Variants in PTBP3 observed in about 807,000 individuals in gnomAD.
PTBP3 encodes polypyrimidine tract binding protein 3, also known as polypyrimidine tract-binding protein 3.
In PTBP3, 20 loss-of-function variants were observed where a neutral mutation model predicts 58.7. The ratio of observed to expected loss-of-function variants is 0.34; its 90% CI spans 0.24 to 0.50. The LOEUF is 0.50. Ranked by LOEUF, PTBP3 falls within the 20% of genes least tolerant of loss-of-function variation. The pLI is 0.98. For missense variants in PTBP3, 509 were observed against 637.2 expected (o/e 0.80, Z 2.17); for synonymous variants, 185 against 219.8 (o/e 0.84, Z 1.40).
chr9:112,375,039 T>C, the PTBP3 span, among the ~76,000 whole-genome samples: 2 of 152,168 alleles, frequency 1.3e-5, no homozygotes, highest in African/African-American at 4.8e-5. Flanking sequence ...CCTCCATCCC[T>C]GCCACCATGG....
chr9:112,259,560 C>A (rs1836507495), intron 5 of PTBP3, among the ~76,000 whole-genome samples: 1 of 152,162 alleles, frequency 6.6e-6, no homozygotes, highest in African/African-American at 2.4e-5. Flanking sequence ...TATATCTTCA[C>A]ATCCTATAAG....
At chr9:112,229,539 T>C (rs143247961) in intron 10 of PTBP3, among the ~76,000 whole-genome samples, 5,333 of 145,656 alleles carry the variant, frequency 0.037, 150 homozygotes, top group South Asian at 0.051. Context: ...CACTCCAGCC[T>C]GGGCAACAGA....
At chr9:112,348,584 G>A in the PTBP3 span, among the ~76,000 whole-genome samples, 1 of 152,244 alleles carries the variant, frequency 6.6e-6, no homozygotes, top group African/African-American at 2.4e-5. Context: ...GGAAGAATCG[G>A]GAGAGCGGAG....
chr9:112,241,620 T>C (rs889206376), intron 7 of PTBP3, among the ~76,000 whole-genome samples: 3 of 152,236 alleles, frequency 2.0e-5, no homozygotes, highest in East Asian at 1.9e-4. Flanking sequence ...AGGTGTTTAG[T>C]AGGCTATAAC....
At chr9:112,330,297 G>A (rs2418204) in intron 1 of PTBP3, 509,441 of 620,780 alleles carry the variant, frequency 0.82, 210,001 homozygotes, top group African/African-American at 0.92. Flanking sequence ...AAAATCCAAA[G>A]TTACCTCAGG....
Position 112,252,746 on chromosome 9 carries a change from T to C in PTBP3, c.559A>G (p.Thr187Ala), listed in dbSNP as rs762246918. Residue 187 changes from threonine to alanine, a missense_variant, in exon 6 of 14, where the codon ACA becomes GCA. By Grantham distance (58) the Thr-to-Ala change is moderately conservative. Coordinates refer to ENST00000374257, the MANE Select transcript of PTBP3 (RefSeq NM_001163788.4). The part of the protein sequence containing the change: ...FGTVLKIITF[T>A]KNNQFQALLQ... ...AAGGCTTGAAACTGATTATTCTTTG[T>C]AAAGGTGATAATCTTCAAGACTGTG... 1 of 1,612,484 alleles carries C rather than the reference T, an allele frequency of 6.2e-7. No individual in the cohort carries two copies. Among genetic ancestry groups the C allele is most frequent in the South Asian group, 1.1e-5 (1 of 90,970 alleles).
chr9:112,236,747 A>G (rs1370558540), intron 7 of PTBP3, among the ~76,000 whole-genome samples: 2 of 152,132 alleles, frequency 1.3e-5, no homozygotes, highest in African/African-American at 2.4e-5. Flanking sequence ...GAAATGACAC[A>G]TGTTCACATG....
At chr9:112,335,274 TGTTTTTTTG>T (rs982117756), upstream of PTBP3, among the ~76,000 whole-genome samples, 6 of 76,048 alleles carry the variant, frequency 7.9e-5, no homozygotes, top group East Asian at 1.0e-3. Context: ...TTTTGTTGTT[TGTTTTTTTG>T]TTTTTTTGTT....
chr9:112,250,995 T>C lies in PTBP3; in HGVS notation c.736A>G (p.Thr246Ala). 2.5e-6 allele frequency: 4 copies of C among 1,612,142 alleles called. No individual in the cohort carries two copies. Among genetic ancestry groups the C allele is most frequent in the Non-Finnish European group, 2.5e-6 (3 of 1,179,038 alleles). Residue 246 changes from threonine to alanine, a missense_variant, in exon 7 of 14, where the codon ACT becomes GCT. By Grantham distance (58) the Thr-to-Ala change is moderately conservative. Coordinates refer to ENST00000374257, the MANE Select transcript of PTBP3 (RefSeq NM_001163788.4). ...KYNNDKSRDF[T>A]RLDLPTGDGQ... ...TCACCAGTAGGAAGGTCTAAGCGAG[T>C]GAAGTCTCTGCTTTTGTCATTATTA...
chr9:112,243,131 TAA>T (rs34908344), intron 7 of PTBP3, among the ~76,000 whole-genome samples: 2 of 140,568 alleles, frequency 1.4e-5, no homozygotes, highest in Non-Finnish European at 1.6e-5. Context: ...TCTTACAGCT[TAA>T]AAAAAAAAAA....
intron 13 of PTBP3, 36 bp from the exon 14 acceptor site, chr9:112,224,019 A>C: frequency 6.3e-7 from 1 of 1,595,396 alleles, no homozygotes; most frequent in Non-Finnish European, 8.6e-7. Context: ...AAGTATTTAG[A>C]ATGAATTTTG....
chr9:112,262,375 TC>T, intron 5 of PTBP3, 59 bp downstream of exon 5: 1 of 1,379,294 alleles, frequency 7.3e-7, no homozygotes. Flanking sequence ...ATATAAAACA[TC>T]AAAAGTTTCA....
Position 112,235,000 on chromosome 9 carries a change from T to G in PTBP3, c.803-103A>C. ...TGAAAGTATATTACTAACAAAGAGA[T>G]TCTGTTACGGAGTAAAGATCTGTTC... On this transcript the variant is annotated intron_variant, in intron 7 of 13. Transcript: ENST00000374257. 3 of 946,582 alleles carry G rather than the reference T, an allele frequency of 3.2e-6. No individual in the cohort carries two copies. The South Asian group carries it at 4.9e-5, about 15-fold the overall frequency. 58.6% of individuals were successfully genotyped at this position (946,582 alleles called of 1,614,324 possible).
In PTBP3 at chr9:112,219,163, A is replaced by G. The variant is rs1352433471; in HGVS notation, c.*4688T>C. The G allele has an allele frequency of 6.6e-6, 1 of 152,582 alleles. No individual in the cohort carries two copies. The highest frequency in any genetic ancestry group is 1.5e-5 in the Non-Finnish European group (1 of 68,038). 9.5% of individuals were successfully genotyped at this position (152,582 alleles called of 1,614,324 possible). A position where few individuals can be genotyped will look rare whatever the true frequency, so the allele number is the denominator to read the frequency against. ...TTTACAGAGAGGAGTTAAAACCACA[A>G]CAGTCAGTCTTTGGTCAGAGCAATG... On this transcript the variant is annotated 3_prime_UTR_variant, in exon 14 of 14. Transcript: ENST00000374257.
upstream of PTBP3, among the ~76,000 whole-genome samples, chr9:112,335,944 G>A (rs988181310): frequency 4.7e-5 from 7 of 148,956 alleles, no homozygotes; most frequent in African/African-American, 1.7e-4. Context: ...CACAATCTCG[G>A]CTCACTGCAA....
intron 1 of PTBP3, among the ~76,000 whole-genome samples, chr9:112,308,522 C>T (rs1017422386): frequency 1.3e-5 from 2 of 151,736 alleles, no homozygotes; most frequent in African/African-American, 4.8e-5. Flanking sequence ...TGCAATTTTC[C>T]GTAAGGTTTG....
intron 7 of PTBP3, among the ~76,000 whole-genome samples, chr9:112,239,613 C>T (rs867519736): frequency 1.3e-4 from 20 of 151,804 alleles, no homozygotes; most frequent in Non-Finnish European, 2.8e-4. Flanking sequence ...TGCCTGTATT[C>T]CCAGCTACTC....
the PTBP3 span, among the ~76,000 whole-genome samples, chr9:112,351,299 G>A: frequency 6.6e-6 from 1 of 152,178 alleles, no homozygotes; most frequent in Non-Finnish European, 1.5e-5. Context: ...TTTATGGAAT[G>A]TCCTTCAAGT....
rs1834864942 is a variant in PTBP3 at position 112,223,289 on chromosome 9, TC to T, written c.*561del. The T allele has an allele frequency of 1.0e-6, 1 of 955,906 alleles. No homozygotes were observed. Among genetic ancestry groups the T allele is most frequent in the Non-Finnish European group, 1.2e-6 (1 of 802,726 alleles). 59.2% of individuals were successfully genotyped at this position (955,906 alleles called of 1,614,324 possible). On this transcript the variant is annotated 3_prime_UTR_variant, in exon 14 of 14. Coordinates refer to ENST00000374257, the MANE Select transcript of PTBP3 (RefSeq NM_001163788.4). The stretch of plus-strand genomic sequence containing the variant: ...CAAAGAAAACATGCAGGTTTATAAA[TC>T]TGCTTCCAACACAACTCAATGTGTT...
Sources: allele counts gnomAD v4.1 joint callset (sites outside exome capture counted in the v4.1 genomes callset), GRCh38; gene constraint gnomAD v4.1.1; transcripts MANE v1.5; gene names NCBI Gene and HGNC (gene_info 2026-07-23, HGNC 2026-07-21).